PIEZO2: variants seen among roughly 807,000 people sequenced by gnomAD.
PIEZO2 encodes piezo type mechanosensitive ion channel component 2.
PIEZO2 carries 172 observed loss-of-function variants against 337.3 expected under a neutral mutation model. That is an observed-to-expected ratio of 0.51 (90% CI 0.45 to 0.58). The LOEUF (loss-of-function observed/expected upper bound fraction) is 0.58, where lower values mean the gene tolerates loss of function less well. Ranked by LOEUF, PIEZO2 falls within the 20% of genes least tolerant of loss-of-function variation. The pLI is 0.00. For synonymous variants in PIEZO2, 1,251 were observed against 1,228.5 expected (o/e 1.02, Z -0.38); for missense variants, 3,028 against 3,391.3 (o/e 0.89, Z 2.66).
chr18:11,055,084 G>A (rs9964374), intron 2 of PIEZO2, among the ~76,000 whole-genome samples: 10,153 of 151,934 alleles, frequency 0.067, 907 homozygotes, highest in African/African-American at 0.2. Context: ...GGTGGCAGGC[G>A]CCTGTAGTCC....
rs1036304484 is a variant in PIEZO2, at chr18:10,878,239, T to C, written c.330-6824A>G. On this transcript the variant is annotated intron_variant, in intron 4 of 55. Transcript: ENST00000674853. The surrounding 1 kb of genome is among the most constrained non-coding windows in gnomAD (Gnocchi z 4.3). The stretch of plus-strand genomic sequence containing the variant: ...TGCAGTGTAAACCATCAGTAAAGGC[T>C]GGCTGGATGCATGCTAGCTCCAGGA... Among the ~76,000 whole-genome samples, 6 of 152,248 alleles carry C rather than the reference T, an allele frequency of 3.9e-5. No homozygotes were observed. Among genetic ancestry groups the C allele is most frequent in the African/African-American group, 1.4e-4 (6 of 41,460 alleles).
In PIEZO2 at chr18:11,035,926, T is replaced by C. The variant is rs2036912193; in HGVS notation, c.160+30201A>G. Among the ~76,000 whole-genome samples, 1 of 152,236 alleles carries C rather than the reference T, an allele frequency of 6.6e-6. No homozygotes were observed. On this transcript the variant is annotated intron_variant, in intron 2 of 55. Transcript: ENST00000674853. The surrounding 1 kb of genome is among the most constrained non-coding windows in gnomAD (Gnocchi z 4.3). ...TCCAAATCTCTGCCACTTCCTATGTTTGCTTGTTAGCAAGAAGTCCACACC... is the reference window on the plus strand; with the variant it reads ...TCCAAATCTCTGCCACTTCCTATGTCTGCTTGTTAGCAAGAAGTCCACACC...
chr18:10,702,270 G>T (rs533074359), intron 42 of PIEZO2, 99 bp from the exon 43 acceptor site: 2 of 1,154,416 alleles, frequency 1.7e-6, no homozygotes, highest in Admixed American at 3.1e-5. Context: ...AAAGAGACCC[G>T]CATTTCACAG....
At chr18:10,975,229 A>G (rs1050300627) in intron 3 of PIEZO2, among the ~76,000 whole-genome samples, 1 of 152,210 alleles carries the variant, frequency 6.6e-6, no homozygotes, top group Non-Finnish European at 1.5e-5. Context: ...ACAGCACAAG[A>G]ATCCAGACTG....
rs1272523632 is a variant in PIEZO2, at chr18:10,795,662, T to C, written c.1528-660A>G. 4.6e-5 allele frequency among the ~76,000 whole-genome samples: 7 copies of C among 152,176 alleles called. No individual in the cohort carries two copies. The highest frequency in any genetic ancestry group is 1.2e-4 in the African/African-American group (5 of 41,442). ...CCCAGTCTCCTCTCACATGTGGCTG[T>C]GTTCCTTACTGGAAACTGAAGTTGA... On this transcript the variant is annotated intron_variant, in intron 12 of 55. Transcript: ENST00000674853. The surrounding 1 kb of genome is among the most constrained non-coding windows in gnomAD (Gnocchi z 4.4).
At position 11,143,166 on chromosome 18, in the gene PIEZO2, T is replaced by C. The variant is rs1169189203; in HGVS notation, c.64+5359A>G. 2.6e-5 allele frequency among the ~76,000 whole-genome samples: 4 copies of C among 152,250 alleles called. No individual in the cohort carries two copies. The South Asian group carries it at 6.2e-4, about 24-fold the overall frequency. On this transcript the variant is annotated intron_variant, in intron 1 of 55. Transcript: ENST00000674853. The surrounding 1 kb of genome is among the most constrained non-coding windows in gnomAD (Gnocchi z 4.9). ...TGGGATTTTTTTTTGACTGATTCCA[T>C]GTCCTCAAGACAACGGTTTAAATCA...
intron 5 of PIEZO2, among the ~76,000 whole-genome samples, chr18:10,871,028 T>C (rs1476896078): frequency 1.3e-5 from 2 of 151,962 alleles, no homozygotes; most frequent in African/African-American, 4.8e-5. Flanking sequence ...CCCTTACCTA[T>C]GAACACCCCT....
In PIEZO2 at chr18:10,724,612, G is replaced by GA. The variant is rs2143996663; in HGVS notation, c.5030-6354dup. On this transcript the variant is annotated intron_variant, in intron 36 of 55. Coordinates refer to ENST00000674853, the MANE Select transcript of PIEZO2 (RefSeq NM_001378183.1). This position sits in a 1 kb window ranked among gnomAD's most constrained non-coding sequence, Gnocchi z 5.8. ...TGACCCAGCTGGATGTGACCCCCAA[G>GA]ACAGAATGGTGCTGGACTCGGGGTC... is the stretch of plus-strand genomic sequence containing the variant. The GA allele has an allele frequency of 1.5e-6, 1 of 661,594 alleles. No homozygotes were observed. The highest frequency in any genetic ancestry group is 1.8e-5 in the African/African-American group (1 of 55,746). The allele number at this position is 661,594 out of a possible 1,614,324, so 41.0% of individuals were successfully genotyped here. A position where few individuals can be genotyped will look rare whatever the true frequency, so the allele number is the denominator to read the frequency against.
chr18:10,735,625 T>G (rs1440928378), intron 34 of PIEZO2, among the ~76,000 whole-genome samples: 1 of 152,194 alleles, frequency 6.6e-6, no homozygotes, highest in Non-Finnish European at 1.5e-5. Context: ...GTTAAGTCAT[T>G]AGTATTTGAT....
chr18:10,807,083 C>T (rs558370783), intron 8 of PIEZO2, 29 bp downstream of exon 8: 21 of 1,522,690 alleles, frequency 1.4e-5, no homozygotes, highest in Middle Eastern at 1.7e-4. Context: ...ACTTTGCAGA[C>T]AAGATCATGA....
At chr18:10,745,608 G>C (rs2037392199) in intron 30 of PIEZO2, among the ~76,000 whole-genome samples, 1 of 152,094 alleles carries the variant, frequency 6.6e-6, no homozygotes, top group East Asian at 1.9e-4. Context: ...GGCTCCTAAG[G>C]CAACGTGCTC....
At position 10,691,768 on chromosome 18, in the gene PIEZO2, A is replaced by AAC. The variant is rs1339141004; in HGVS notation, c.7191-387_7191-386dup. On this transcript the variant is annotated intron_variant, in intron 47 of 55. Coordinates refer to ENST00000674853, the MANE Select transcript of PIEZO2 (RefSeq NM_001378183.1). ...ATATGATATATTAAAAATATATATA[A>AAC]ACACACACACACACATATATATATA... 8.6e-4 allele frequency among the ~76,000 whole-genome samples: 65 copies of AAC among 75,464 alleles called. 12 individuals carry two copies. Among genetic ancestry groups the AAC allele is most frequent in the African/African-American group, 3.7e-3 (64 of 17,286 alleles). The allele number at this position is 75,464 out of a possible 152,430, so 49.5% of individuals were successfully genotyped here.
rs1054940895 is a variant in PIEZO2 at position 10,855,581 on chromosome 18, C to T, written c.704-15G>A. On this transcript the variant is annotated splice_polypyrimidine_tract_variant and intron_variant, in intron 6 of 55. Coordinates refer to ENST00000674853, the MANE Select transcript of PIEZO2 (RefSeq NM_001378183.1). This position sits in a 1 kb window ranked among gnomAD's most constrained non-coding sequence, Gnocchi z 4.9. ...CAACATCATGCCTAAGGAAGAGAAA[C>T]GTAATCACAAAGTCAGGTAGAACTG... is the stretch of plus-strand genomic sequence containing the variant. 2.5e-5 allele frequency: 38 copies of T among 1,516,650 alleles called. No individual in the cohort carries two copies. Among genetic ancestry groups the T allele is most frequent in the Non-Finnish European group, 3.2e-5 (36 of 1,129,950 alleles). 93.9% of individuals were successfully genotyped at this position (1,516,650 alleles called of 1,614,324 possible). A position where few individuals can be genotyped will look rare whatever the true frequency, so the allele number is the denominator to read the frequency against.
intron 45 of PIEZO2, 126 bp from the exon 46 acceptor site, chr18:10,696,665 C>G: frequency 9.2e-7 from 1 of 1,084,334 alleles, no homozygotes; most frequent in Non-Finnish European, 1.3e-6. Flanking sequence ...CCACCTTCCT[C>G]TCTCTGCCTC....
chr18:11,122,848 G>A (rs1409633708), intron 1 of PIEZO2, among the ~76,000 whole-genome samples: 2 of 151,714 alleles, frequency 1.3e-5, no homozygotes, highest in African/African-American at 4.8e-5. Flanking sequence ...AAGACGACAA[G>A]TCTTTATCAT....
intron 17 of PIEZO2, among the ~76,000 whole-genome samples, chr18:10,782,469 AAT>A (rs1376755019): frequency 3.5e-5 from 1 of 28,820 alleles, no homozygotes; most frequent in Non-Finnish European, 7.0e-5. Context: ...TATTATATTA[AAT>A]AATATATATT....
rs1366852688 is a variant in PIEZO2 at position 11,149,285 on chromosome 18, C to T, written c.-697G>A. ...GGTGGGAGCTGCCAGGCGCGCAGAACCATCCCCGCCACCACGGGGCTCGCC... is the reference window on the plus strand; with the variant it reads ...GGTGGGAGCTGCCAGGCGCGCAGAATCATCCCCGCCACCACGGGGCTCGCC... On this transcript the variant is annotated 5_prime_UTR_variant, in exon 1 of 56. Coordinates refer to ENST00000674853, the MANE Select transcript of PIEZO2 (RefSeq NM_001378183.1). The surrounding 1 kb of genome is among the most constrained non-coding windows in gnomAD (Gnocchi z 8.7). Among the ~76,000 whole-genome samples, 2 of 151,750 alleles carry T rather than the reference C, an allele frequency of 1.3e-5. No homozygotes were observed. Among genetic ancestry groups the T allele is most frequent in the African/African-American group, 4.8e-5 (2 of 41,312 alleles).
chr18:11,006,040 G>C (rs940158953), intron 2 of PIEZO2, among the ~76,000 whole-genome samples: 2 of 151,196 alleles, frequency 1.3e-5, no homozygotes, highest in Non-Finnish European at 2.9e-5. Flanking sequence ...CATTTCTCTC[G>C]TTGGATCTTA....
chr18:11,098,201 T>C (rs12970451), intron 1 of PIEZO2, among the ~76,000 whole-genome samples: 14,072 of 151,954 alleles, frequency 0.093, 864 homozygotes, highest in East Asian at 0.21. Flanking sequence ...ATTAAGTATG[T>C]ATTTCAGAAA....
Sources: gnomAD v4.1 joint callset for allele counts (sites outside exome capture counted in the v4.1 genomes callset) on GRCh38, gnomAD v4.1.1 for gene constraint, Gnocchi (gnomAD v3.1) non-coding constraint, MANE v1.5 for transcripts, NCBI Gene and HGNC (gene_info 2026-07-23, HGNC 2026-07-21) for gene names.